The following NEK1 variants were observed in gnomAD, a reference collection of about 807,000 sequenced individuals.
NEK1 encodes serine/threonine-protein kinase Nek1.
NEK1 carries 137 observed loss-of-function variants against 182.1 expected under a neutral mutation model. The ratio of observed to expected loss-of-function variants is 0.75; its 90% confidence interval spans 0.65 to 0.87. NEK1 has a LOEUF of 0.87. Ranked by LOEUF, NEK1 falls within the 40% of genes least tolerant of loss-of-function variation. The pLI is 0.00. For missense variants in NEK1, 1,391 were observed against 1,494.4 expected, an observed-to-expected ratio of 0.93 and a Z score of 1.14; for synonymous variants, 513 against 492.2, an observed-to-expected ratio of 1.04 and a Z score of -0.56.
chr4:169,436,250 G>A (rs1738388529), intron 28 of NEK1, among the ~76,000 whole-genome samples: 1 of 152,190 alleles, frequency 6.6e-6, no homozygotes, highest in Non-Finnish European at 1.5e-5. Context: ...AATTTGTTTT[G>A]CAGCAATAGA....
intron 10 of NEK1, among the ~76,000 whole-genome samples, chr4:169,583,519 A>G (rs1286634855): frequency 6.6e-6 from 1 of 152,188 alleles, no homozygotes; most frequent in Non-Finnish European, 1.5e-5. Flanking sequence ...AATAATCACA[A>G]TCTACCCTTG....
At chr4:169,483,834 C>G (rs1192064400) in intron 23 of NEK1, among the ~76,000 whole-genome samples, 1 of 146,048 alleles carries the variant, frequency 6.8e-6, no homozygotes, top group Non-Finnish European at 1.5e-5. Flanking sequence ...CCACTGCACT[C>G]CAGCCTGGGC....
At chr4:169,479,100 G>C (rs1395097409) in intron 24 of NEK1, among the ~76,000 whole-genome samples, 3 of 151,882 alleles carry the variant, frequency 2.0e-5, no homozygotes, top group Non-Finnish European at 4.4e-5. Context: ...ATGAGGGTTG[G>C]GTAGAAAAAT....
chr4:169,404,684 C>T lies in NEK1; in HGVS notation c.3374+1912G>A, dbSNP rs80168328. Among the ~76,000 whole-genome samples the T allele has an allele frequency of 4.8e-3, 732 of 152,246 alleles. 8 individuals carry two copies. Among genetic ancestry groups the T allele is most frequent in the Admixed American group, 7.7e-3 (118 of 15,308 alleles). ...ACTCTAGGAAACTCTGGTTTTATTA[C>T]ACCAAAAAGTGTGTAACATTTGTCT... On this transcript the variant is annotated intron_variant, in intron 32 of 35. Transcript: ENST00000507142.
chr4:169,492,407 G>C (rs997416974), intron 23 of NEK1, among the ~76,000 whole-genome samples: 1 of 152,202 alleles, frequency 6.6e-6, no homozygotes, highest in South Asian at 2.1e-4. Context: ...GATAGCGACC[G>C]CTGAGGAACT....
chr4:169,462,041 T>C (rs1477968367), intron 27 of NEK1, among the ~76,000 whole-genome samples: 3 of 152,132 alleles, frequency 2.0e-5, no homozygotes, highest in Non-Finnish European at 4.4e-5. Flanking sequence ...GTACACCAAA[T>C]TGCATATATT....
chr4:169,515,729 A>T (rs1755120477), intron 19 of NEK1, among the ~76,000 whole-genome samples: 3 of 76,082 alleles, frequency 3.9e-5, no homozygotes, highest in Admixed American at 1.5e-4. Context: ...TTCAATTCCC[A>T]CCTATGAGTG....
At chr4:169,530,282 G>A (rs1757471322) in intron 19 of NEK1, among the ~76,000 whole-genome samples, 1 of 152,162 alleles carries the variant, frequency 6.6e-6, no homozygotes, top group Non-Finnish European at 1.5e-5. Flanking sequence ...ACCATTACGT[G>A]TGCAGACAGT....
intron 29 of NEK1, among the ~76,000 whole-genome samples, chr4:169,432,799 T>C (rs1737677590): frequency 6.6e-6 from 1 of 152,068 alleles, no homozygotes; most frequent in African/African-American, 2.4e-5. Flanking sequence ...TTAATTTGAG[T>C]TGGAGAGTCT....
chr4:169,456,812 T>C (rs1000096479), intron 27 of NEK1, among the ~76,000 whole-genome samples: 4 of 152,178 alleles, frequency 2.6e-5, no homozygotes, highest in Non-Finnish European at 5.9e-5. Context: ...GCAACCTAAA[T>C]GTCCATCAAC....
At chr4:169,480,062 T>G (rs900348916) in intron 23 of NEK1, among the ~76,000 whole-genome samples, 2 of 152,136 alleles carry the variant, frequency 1.3e-5, no homozygotes, top group Admixed American at 6.6e-5. Flanking sequence ...ATGTTGCCAT[T>G]TAAACTCTAA....
intron 12 of NEK1, among the ~76,000 whole-genome samples, chr4:169,564,745 T>C (rs191724727): frequency 6.6e-6 from 1 of 152,288 alleles, no homozygotes; most frequent in East Asian, 1.9e-4. Flanking sequence ...GAATATATTA[T>C]TGAGTATGAG....
At chr4:169,418,667 T>C (rs1438863481) in intron 31 of NEK1, among the ~76,000 whole-genome samples, 1 of 151,888 alleles carries the variant, frequency 6.6e-6, no homozygotes, top group African/African-American at 2.4e-5. Context: ...TAAACATGAA[T>C]ACATACTAAT....
At chr4:169,493,691 C>T (rs1369279493) in intron 23 of NEK1, among the ~76,000 whole-genome samples, 8 of 152,148 alleles carry the variant, frequency 5.3e-5, no homozygotes, top group Non-Finnish European at 1.2e-4. Context: ...AGAAGAATTT[C>T]AGAGCTCAAA....
chr4:169,445,013 G>A (rs1220395587), intron 27 of NEK1, among the ~76,000 whole-genome samples: 5 of 152,154 alleles, frequency 3.3e-5, no homozygotes, highest in African/African-American at 9.7e-5. Flanking sequence ...TTGAGTCAAC[G>A]AAGAAATTAA....
intron 19 of NEK1, among the ~76,000 whole-genome samples, chr4:169,527,764 G>A (rs1216113033): frequency 6.6e-6 from 1 of 151,924 alleles, no homozygotes; most frequent in Non-Finnish European, 1.5e-5. Flanking sequence ...AAATCATAGG[G>A]TATAAACACA....
At chr4:169,588,827 A>C in intron 7 of NEK1, 92 bp from the exon 8 acceptor site, 1 of 764,420 alleles carries the variant, frequency 1.3e-6, no homozygotes, top group Middle Eastern at 2.3e-4. Context: ...CGCATATATG[A>C]TGCTGGTCCC....
Position 169,401,757 on chromosome 4 carries a change from C to T in NEK1, c.3478G>A (p.Val1160Ile). Residue 1160 changes from valine (V) to isoleucine (I), a missense_variant, in exon 33 of 36, where the codon GTC (valine) becomes ATC (isoleucine). Around this residue, in one of 5 missense-constraint regions of NEK1, gnomAD observed 1,216 missense variants for 1,277.6 expected, o/e 0.95. Coordinates refer to ENST00000507142, the MANE Select transcript of NEK1 (RefSeq NM_001199397.3). ...GGCTCCACATCACTGTTCTTCAAGA[C>T]TGACTCTTCTTCTTCACTGTATTCT... ...GEEYSEEEES[V>I]LKNSDVEPTA... 1 of 1,613,938 alleles carries T rather than the reference C, an allele frequency of 6.2e-7. No homozygotes were observed. Among genetic ancestry groups the T allele is most frequent in the Middle Eastern group, 1.6e-4 (1 of 6,062 alleles).
At chr4:169,551,214 A>C (rs2149886307) in intron 18 of NEK1, among the ~76,000 whole-genome samples, 1 of 152,342 alleles carries the variant, frequency 6.6e-6, no homozygotes, top group South Asian at 2.1e-4. Flanking sequence ...AGCTCCTAAG[A>C]AGTTATTAAT....
Sources: allele counts gnomAD v4.1 joint callset (sites outside exome capture counted in the v4.1 genomes callset), GRCh38; gene constraint gnomAD v4.1.1; regional missense constraint gnomAD v4.1.1; transcripts MANE v1.5; gene names NCBI Gene and HGNC (gene_info 2026-07-23, HGNC 2026-07-21).